The following ADARB2 variants were observed in gnomAD, a reference collection of about 807,000 sequenced individuals.
The protein encoded by ADARB2 is inactive double-stranded RNA-specific editase B2.
In ADARB2, 25 loss-of-function variants were observed where a neutral mutation model predicts 62.2. The observed-to-expected ratio is 0.40, with a 90% CI of 0.29 to 0.56. The LOEUF is 0.56. Ranked by LOEUF, ADARB2 falls within the 20% of genes least tolerant of loss-of-function variation. ADARB2 has a pLI of 0.43. For synonymous variants in ADARB2, 572 were observed against 500.8 expected, an observed-to-expected ratio of 1.14 and a Z score of -1.90; for missense variants, 1,071 against 1,077.4, an observed-to-expected ratio of 0.99 and a Z score of 0.08.
At chr10:1,534,042 G>GGGGA (rs1456463177) in intron 1 of ADARB2, among the ~76,000 whole-genome samples, 4 of 148,118 alleles carry the variant, frequency 2.7e-5, no homozygotes, top group African/African-American at 1.0e-4. Flanking sequence ...AGGGAGGGAG[G>GGGGA]GAGAGAGAGA....
intron 3 of ADARB2, among the ~76,000 whole-genome samples, chr10:1,326,875 C>CT (rs74200994): frequency 1.4e-5 from 1 of 71,480 alleles, no homozygotes; most frequent in African/African-American, 6.3e-5. Flanking sequence ...CGCCTCCCCA[C>CT]GGCACAGCGC....
At chr10:1,252,468 G>T (rs1831045518) in intron 4 of ADARB2, among the ~76,000 whole-genome samples, 1 of 152,176 alleles carries the variant, frequency 6.6e-6, no homozygotes, top group South Asian at 2.1e-4. Flanking sequence ...ACCTTCTTCA[G>T]TGTTCAGCCT....
chr10:1,732,328 A>AAC (rs544224858), intron 1 of ADARB2, among the ~76,000 whole-genome samples: 7,116 of 146,812 alleles, frequency 0.048, 236 homozygotes, highest in African/African-American at 0.069. Context: ...AAAAAAAAAA[A>AAC]AATTTCCTTT....
intron 3 of ADARB2, among the ~76,000 whole-genome samples, chr10:1,326,782 T>TCACGGCCCAGCGCCTCCC (rs1467788037): frequency 3.9e-5 from 2 of 51,754 alleles, no homozygotes; most frequent in African/African-American, 1.3e-4. Context: ...CAGCCCCTCC[T>TCACGGCCCAGCGCCTCCC]CACTGCCCAG....
rs188628574 is a variant in ADARB2 at position 1,585,521 on chromosome 10, T to C, written c.100+151530A>G. Among the ~76,000 whole-genome samples, 6 of 152,272 alleles carry C rather than the reference T, an allele frequency of 3.9e-5. No homozygotes were observed. The East Asian group carries it at 1.2e-3, about 29-fold the overall frequency. The stretch of plus-strand genomic sequence containing the variant: ...ATATCTAATTGCTTCCTCTGCCCTA[T>C]TGCTTATGTAACAATGCAGAGTCAC... On this transcript the variant is annotated intron_variant, in intron 1 of 9. Coordinates refer to ENST00000381312, the MANE Select transcript of ADARB2 (RefSeq NM_018702.4).
At chr10:1,279,523 T>A (rs1192548943) in intron 3 of ADARB2, among the ~76,000 whole-genome samples, 3 of 152,184 alleles carry the variant, frequency 2.0e-5, no homozygotes, top group African/African-American at 7.2e-5. Flanking sequence ...AATGTGTTGC[T>A]CAGGCTGGTC....
chr10:1,590,578 C>T (rs1373189165), intron 1 of ADARB2, among the ~76,000 whole-genome samples: 4 of 152,106 alleles, frequency 2.6e-5, no homozygotes, highest in South Asian at 2.1e-4. Context: ...CCCCTCTGGC[C>T]GTTAGACGAG....
chr10:1,709,850 G>A (rs1834930126), intron 1 of ADARB2, among the ~76,000 whole-genome samples: 1 of 152,240 alleles, frequency 6.6e-6, no homozygotes, highest in African/African-American at 2.4e-5. Flanking sequence ...ATTTCAGCAT[G>A]AAATTTGTTT....
rs1271553008 is a variant in ADARB2 at position 1,233,749 on chromosome 10, G to A, written c.1458C>T (p.Ser486=). The change falls in exon 6 of 10, where the codon AGC becomes AGT. Residue 486 remains serine, a synonymous_variant. Transcript: ENST00000381312. ...GTCTTGCGTCTCCACAGGGGGAGGTGCTCACGTAGAGATGGAAGAGGATGT... is the reference window on the plus strand; with the variant it reads ...GTCTTGCGTCTCCACAGGGGGAGGTACTCACGTAGAGATGGAAGAGGATGT... The part of the protein sequence containing the change: ...RENILFHLYV[S]TSPCGDARLH... The A allele has an allele frequency of 1.2e-6, 2 of 1,613,866 alleles. No homozygotes were observed. Among genetic ancestry groups the A allele is most frequent in the Non-Finnish European group, 1.7e-6 (2 of 1,179,982 alleles).
At chr10:1,225,128 A>C (rs1044596201) in intron 6 of ADARB2, among the ~76,000 whole-genome samples, 54 of 152,240 alleles carry the variant, frequency 3.5e-4, no homozygotes, top group African/African-American at 1.2e-3. Context: ...TATTTAGGAT[A>C]GTTAGCTCTT....
At chr10:1,634,303 A>T (rs1178424353) in intron 1 of ADARB2, among the ~76,000 whole-genome samples, 1 of 152,234 alleles carries the variant, frequency 6.6e-6, no homozygotes, top group African/African-American at 2.4e-5. Context: ...CACAGCACAC[A>T]GAGGTGATGT....
chr10:1,442,233 T>C (rs769607792), intron 1 of ADARB2, among the ~76,000 whole-genome samples: 7 of 152,352 alleles, frequency 4.6e-5, no homozygotes, highest in South Asian at 2.1e-4. Context: ...CTGGGGAAGA[T>C]CAGAAGACAG....
At position 1,426,167 on chromosome 10, in the gene ADARB2, GC is replaced by G. The variant is rs1832891918; in HGVS notation, c.101-47008del. Among the ~76,000 whole-genome samples the G allele has an allele frequency of 2.6e-5, 4 of 152,140 alleles. No individual in the cohort carries two copies. In the South Asian group the frequency reaches 8.3e-4, roughly 32 times the overall value. ...GAATCAAGATCTGATGTGTAAAAGAGCCTGTGGTTTAAAATATGGAGGTATT... is the reference window on the plus strand; with the variant it reads ...GAATCAAGATCTGATGTGTAAAAGAGCTGTGGTTTAAAATATGGAGGTATT... On this transcript the variant is annotated intron_variant, in intron 1 of 9. Transcript: ENST00000381312. This position sits in a 1 kb window ranked among gnomAD's most constrained non-coding sequence, Gnocchi z 4.1.
chr10:1,622,783 T>G (rs1588327507), intron 1 of ADARB2, among the ~76,000 whole-genome samples: 1 of 152,124 alleles, frequency 6.6e-6, no homozygotes, highest in South Asian at 2.1e-4. Context: ...CTTAAATAGC[T>G]AAACATATAC....
At chr10:1,214,557 G>A (rs982323135) in intron 7 of ADARB2, among the ~76,000 whole-genome samples, 6 of 151,510 alleles carry the variant, frequency 4.0e-5, no homozygotes, top group Admixed American at 2.0e-4. Flanking sequence ...TGGACCTGCC[G>A]GCGTCGCGTG....
At chr10:1,607,747 A>T (rs1267970537) in intron 1 of ADARB2, among the ~76,000 whole-genome samples, 1 of 152,224 alleles carries the variant, frequency 6.6e-6, no homozygotes, top group African/African-American at 2.4e-5. Flanking sequence ...TTCTGACTCC[A>T]GGAGGCATCC....
intron 7 of ADARB2, chr10:1,215,794 G>A (rs1837224648): frequency 6.6e-6 from 1 of 152,234 alleles, no homozygotes; most frequent in South Asian, 2.1e-4. Flanking sequence ...CCCCACACCT[G>A]TGACCCCTAT....
intron 1 of ADARB2, among the ~76,000 whole-genome samples, chr10:1,452,582 G>C (rs570354898): frequency 1.3e-5 from 2 of 149,640 alleles, no homozygotes; most frequent in Non-Finnish European, 3.0e-5. Flanking sequence ...CTCGTAAGTG[G>C]GAGCTGAACA....
chr10:1,485,377 A>C (rs186356801), intron 1 of ADARB2, among the ~76,000 whole-genome samples: 2 of 152,226 alleles, frequency 1.3e-5, no homozygotes, highest in Admixed American at 1.3e-4. Context: ...TAAGTGCACT[A>C]ATAGATAGAT....
Sources: gnomAD v4.1 joint callset for allele counts (sites outside exome capture counted in the v4.1 genomes callset) on GRCh38, gnomAD v4.1.1 for gene constraint, Gnocchi (gnomAD v3.1) non-coding constraint, MANE v1.5 for transcripts, NCBI Gene and HGNC (gene_info 2026-07-23, HGNC 2026-07-21) for gene names.